The following SOX5 variants were observed in gnomAD, a reference collection of about 807,000 sequenced individuals.
The protein encoded by SOX5 is transcription factor SOX-5.
SOX5 carries 9 observed loss-of-function variants against 92.0 expected under a neutral mutation model. The observed-to-expected ratio is 0.10, with a 90% CI of 0.06 to 0.17. The LOEUF (loss-of-function observed/expected upper bound fraction) is 0.17. Ranked by LOEUF, SOX5 falls within the 10% of genes least tolerant of loss-of-function variation. SOX5 has a pLI of 1.00. For synonymous variants in SOX5, 344 were observed against 336.3 expected (o/e 1.02, Z -0.25); for missense variants, 642 against 944.5 (o/e 0.68, Z 4.20).
chr12:23,633,606 TGAA>T (rs2078839727), intron 8 of SOX5, among the ~76,000 whole-genome samples: 1 of 151,740 alleles, frequency 6.6e-6, no homozygotes, highest in Non-Finnish European at 1.5e-5. Flanking sequence ...TACTTGAGGA[TGAA>T]GAAGAATGAA....
intron 4 of SOX5, among the ~76,000 whole-genome samples, chr12:24,002,162 A>G (rs1240322158): frequency 6.6e-6 from 1 of 152,038 alleles, no homozygotes; most frequent in Admixed American, 6.6e-5. Flanking sequence ...AAGAAAATCA[A>G]ATTAACTCAA....
intron 3 of SOX5, among the ~76,000 whole-genome samples, chr12:23,813,192 G>A (rs1051732255): frequency 2.0e-5 from 3 of 152,156 alleles, no homozygotes; most frequent in Non-Finnish European, 2.9e-5. Context: ...AAAATAAGGA[G>A]CAGTTTCTTT....
chr12:23,834,764 A>G (rs1299591189), intron 3 of SOX5, among the ~76,000 whole-genome samples: 2 of 151,908 alleles, frequency 1.3e-5, no homozygotes, highest in Non-Finnish European at 2.9e-5. Flanking sequence ...CTTGGAGGCA[A>G]GAAGAATAGA....
chr12:24,437,048 G>T (rs948734347), intron 1 of SOX5, among the ~76,000 whole-genome samples: 1 of 152,136 alleles, frequency 6.6e-6, no homozygotes, highest in Non-Finnish European at 1.5e-5. Context: ...AAATATTACT[G>T]CTCATTAACA....
At chr12:23,562,226 A>T (rs1470196173) in intron 11 of SOX5, among the ~76,000 whole-genome samples, 1 of 152,104 alleles carries the variant, frequency 6.6e-6, no homozygotes, top group Non-Finnish European at 1.5e-5. Context: ...TGGACACACG[A>T]TAGAATTGAA....
chr12:24,144,447 T>G (rs1950875948), intron 4 of SOX5, among the ~76,000 whole-genome samples: 1 of 152,190 alleles, frequency 6.6e-6, no homozygotes, highest in Non-Finnish European at 1.5e-5. Context: ...ATTTACTGTT[T>G]AAGCAATAAA....
intron 4 of SOX5, among the ~76,000 whole-genome samples, chr12:23,966,203 CAAAAAAAAAAAAAAAAAAAAA>C (rs869143890): frequency 1.9e-4 from 11 of 57,334 alleles, no homozygotes; most frequent in East Asian, 4.5e-4. Context: ...ACTCAATATC[CAAAAAAAAAAAAAAAAAAAAA>C]AAAAAAAAAA....
chr12:23,855,985 C>G (rs11047133), intron 2 of SOX5, among the ~76,000 whole-genome samples: 17 of 151,650 alleles, frequency 1.1e-4, no homozygotes, highest in South Asian at 8.3e-4. Context: ...GTGAAAGAAG[C>G]CTTTAACATG....
intron 9 of SOX5, chr12:23,584,638 T>A: frequency 6.6e-7 from 1 of 1,512,690 alleles, no homozygotes; most frequent in Non-Finnish European, 9.1e-7. Flanking sequence ...TTACGACAGT[T>A]AACTGATATA....
chr12:23,640,629 A>G (rs2079930370), intron 8 of SOX5, among the ~76,000 whole-genome samples, 183 bp downstream of exon 8: 1 of 152,230 alleles, frequency 6.6e-6, no homozygotes, highest in Non-Finnish European at 1.5e-5. Flanking sequence ...TAGTGCAGAA[A>G]ACAGGGCTAA....
At chr12:24,145,086 C>A (rs1268427893) in intron 4 of SOX5, among the ~76,000 whole-genome samples, 1 of 151,492 alleles carries the variant, frequency 6.6e-6, no homozygotes, top group African/African-American at 2.4e-5. Context: ...AGAGTGAGAC[C>A]CTGTCTCAAA....
intron 6 of SOX5, among the ~76,000 whole-genome samples, chr12:23,704,223 T>C (rs1012131528): frequency 6.6e-6 from 1 of 151,944 alleles, no homozygotes; most frequent in African/African-American, 2.4e-5. Flanking sequence ...TTCATTTACA[T>C]TATTTCATAA....
intron 3 of SOX5, among the ~76,000 whole-genome samples, chr12:23,793,267 G>A (rs2095507921): frequency 6.6e-6 from 1 of 152,152 alleles, no homozygotes; most frequent in African/African-American, 2.4e-5. Context: ...TACAGTGTAA[G>A]CCATTTATTT....
intron 6 of SOX5, among the ~76,000 whole-genome samples, chr12:23,709,569 G>T (rs1325122013): frequency 1.3e-5 from 2 of 152,188 alleles, no homozygotes; most frequent in Admixed American, 1.3e-4. Context: ...TACGAGAGCC[G>T]CTTTAATTCT....
intron 4 of SOX5, among the ~76,000 whole-genome samples, chr12:24,075,790 AT>A (rs1177359408): frequency 6.6e-6 from 1 of 152,184 alleles, no homozygotes; most frequent in African/African-American, 2.4e-5. Flanking sequence ...TGTTTAACTC[AT>A]GACAATTTTT....
intron 3 of SOX5, among the ~76,000 whole-genome samples, chr12:23,841,302 T>C (rs1485454846): frequency 6.6e-6 from 1 of 152,064 alleles, no homozygotes; most frequent in East Asian, 1.9e-4. Flanking sequence ...AAACTGACAA[T>C]ATCAAATTCT....
intron 2 of SOX5, among the ~76,000 whole-genome samples, chr12:24,315,505 C>T (rs1838782826): frequency 6.6e-6 from 1 of 151,990 alleles, no homozygotes; most frequent in Non-Finnish European, 1.5e-5. Context: ...TTTTGTGCAT[C>T]ATAATTTATA....
At chr12:24,049,957 A>G (rs1490394990) in intron 4 of SOX5, among the ~76,000 whole-genome samples, 1 of 151,958 alleles carries the variant, frequency 6.6e-6, no homozygotes, top group Non-Finnish European at 1.5e-5. Context: ...TTGTTTTTCT[A>G]CTATCTGCTG....
intron 3 of SOX5, among the ~76,000 whole-genome samples, chr12:24,216,470 C>T (rs1372829983): frequency 6.6e-6 from 1 of 151,726 alleles, no homozygotes; most frequent in Non-Finnish European, 1.5e-5. Context: ...GGTGACAGAG[C>T]GCGACTCCGC....
Sources: allele counts gnomAD v4.1 joint callset (sites outside exome capture counted in the v4.1 genomes callset), GRCh38; gene constraint gnomAD v4.1.1; transcripts MANE v1.5; gene names NCBI Gene and HGNC (gene_info 2026-07-23, HGNC 2026-07-21).